SERPINI2: variants seen among roughly 807,000 people sequenced by gnomAD.
The protein encoded by SERPINI2 is serpin family I member 2.
Under a neutral mutation model 47.3 loss-of-function variants are expected in SERPINI2, and 48 were observed. The ratio of observed to expected loss-of-function variants is 1.02; its 90% CI spans 0.81 to 1.29. The LOEUF (loss-of-function observed/expected upper bound fraction) is 1.29, where lower values mean the gene tolerates loss of function less well. Ranked by LOEUF, SERPINI2 falls within the 50% of genes most tolerant of loss-of-function variation. SERPINI2 has a pLI of 0.00. For synonymous variants in SERPINI2, 135 were observed against 149.3 expected (o/e 0.90, Z 0.70); for missense variants, 448 against 456.9 (o/e 0.98, Z 0.18).
chr3:167,458,413 G>A (rs1430107508), intron 5 of SERPINI2, among the ~76,000 whole-genome samples: 11 of 145,356 alleles, frequency 7.6e-5, no homozygotes, highest in Non-Finnish European at 1.2e-4. Context: ...ACCACGCCTG[G>A]CTAATTGTTT....
intron 8 of SERPINI2, among the ~76,000 whole-genome samples, chr3:167,445,567 A>G (rs544206307): frequency 1.3e-5 from 2 of 152,310 alleles, no homozygotes; most frequent in East Asian, 3.9e-4. Context: ...CCCTCTGTCT[A>G]TAGGGAAACT....
chr3:167,460,898 GA>G (rs1749963248), intron 5 of SERPINI2, among the ~76,000 whole-genome samples: 1 of 152,054 alleles, frequency 6.6e-6, no homozygotes. Flanking sequence ...AGCATGCTAG[GA>G]ACAACAGAAA....
At chr3:167,472,942 T>C (rs946818579) in intron 1 of SERPINI2, among the ~76,000 whole-genome samples, 2 of 151,726 alleles carry the variant, frequency 1.3e-5, no homozygotes, top group Admixed American at 1.3e-4. Context: ...AAGTAACCCT[T>C]AATTAGGGGT....
chr3:167,452,289 C>T (rs549861941), intron 6 of SERPINI2, among the ~76,000 whole-genome samples: 2 of 152,136 alleles, frequency 1.3e-5, no homozygotes, highest in African/African-American at 2.4e-5. Flanking sequence ...ATTTTTTTAG[C>T]GAGTTATTTT....
chr3:167,471,272 TACAC>T (rs921796643), intron 2 of SERPINI2, among the ~76,000 whole-genome samples: 1 of 151,704 alleles, frequency 6.6e-6, no homozygotes, highest in African/African-American at 2.4e-5. Flanking sequence ...AGTATGTACA[TACAC>T]ACACACACAT....
At chr3:167,474,638 G>A (rs1750438770), upstream of SERPINI2, among the ~76,000 whole-genome samples, 1 of 151,642 alleles carries the variant, frequency 6.6e-6, no homozygotes, top group Non-Finnish European at 1.5e-5. Context: ...TAATGGATTT[G>A]CCAAAATATA....
chr3:167,453,566 C>A (rs1749701154), intron 5 of SERPINI2, among the ~76,000 whole-genome samples: 2 of 151,304 alleles, frequency 1.3e-5, no homozygotes, highest in Admixed American at 1.3e-4. Flanking sequence ...TATGGACAGG[C>A]CTAATATCTT....
chr3:167,451,133 C>G (rs1420851428), intron 6 of SERPINI2, among the ~76,000 whole-genome samples: 2 of 152,038 alleles, frequency 1.3e-5, no homozygotes, highest in African/African-American at 4.8e-5. Context: ...AACTATGTGC[C>G]AAATGTTAAA....
intron 8 of SERPINI2, among the ~76,000 whole-genome samples, chr3:167,445,358 A>C (rs1161123158): frequency 6.6e-6 from 1 of 152,098 alleles, no homozygotes; most frequent in Non-Finnish European, 1.5e-5. Flanking sequence ...ATATTTATTA[A>C]TTTATTCATA....
At chr3:167,468,780 T>C (rs1207882701) in intron 2 of SERPINI2, among the ~76,000 whole-genome samples, 4 of 152,140 alleles carry the variant, frequency 2.6e-5, no homozygotes, top group Non-Finnish European at 1.5e-5. Context: ...AACAAATATC[T>C]CAATAGCTGG....
upstream of SERPINI2, among the ~76,000 whole-genome samples, chr3:167,474,961 T>A (rs1175032838): frequency 2.6e-5 from 4 of 151,756 alleles, no homozygotes; most frequent in African/African-American, 9.7e-5. Flanking sequence ...ATAAAGTGAA[T>A]ATAGATAGCT....
intron 2 of SERPINI2, among the ~76,000 whole-genome samples, chr3:167,467,964 C>A (rs78385576): frequency 6.6e-6 from 1 of 152,112 alleles, no homozygotes; most frequent in Admixed American, 6.6e-5. Context: ...GAATCACTTT[C>A]GGCCTATTAT....
At chr3:167,441,986 C>A (rs1749342130) in exon 9 of SERPINI2, 2 of 646,338 alleles carry the variant, frequency 3.1e-6, no homozygotes. Context: ...ATATCTATTA[C>A]TACAGGCACA....
At chr3:167,472,212 C>T (rs1383971338) in intron 1 of SERPINI2, among the ~76,000 whole-genome samples, 1 of 151,878 alleles carries the variant, frequency 6.6e-6, no homozygotes, top group Non-Finnish European at 1.5e-5. Flanking sequence ...ATCAGGTAAA[C>T]CTTCTGTGCT....
At chr3:167,471,450 A>T (rs982243401) in intron 2 of SERPINI2, 138 bp downstream of exon 2, 9 of 787,418 alleles carry the variant, frequency 1.1e-5, no homozygotes, top group African/African-American at 1.8e-5. Flanking sequence ...TACATTTACA[A>T]TTCTCCATTT....
chr3:167,471,891 CCA>C (rs1247099058), intron 1 of SERPINI2, 47 bp from the exon 2 acceptor site: 1 of 1,448,578 alleles, frequency 6.9e-7, no homozygotes, highest in Non-Finnish European at 9.5e-7. Flanking sequence ...ATAGAGTTTT[CCA>C]CAGAGAGCTC....
In SERPINI2 at chr3:167,448,712, C is replaced by T. The variant is rs886453332; in HGVS notation, c.1051+604G>A. 7.2e-5 allele frequency among the ~76,000 whole-genome samples: 11 copies of T among 152,148 alleles called. No homozygotes were observed. The East Asian group carries it at 1.4e-3, about 19-fold the overall frequency. ...TAATTTTTTGTATTTTTAGTAGAGA[C>T]GGGGTTTCACCGTGTTATCCAGGAT... On this transcript the variant is annotated intron_variant, in intron 7 of 8. Coordinates refer to ENST00000264677, the Ensembl canonical transcript of SERPINI2.
At chr3:167,447,725 C>G (rs1749520379) in intron 7 of SERPINI2, among the ~76,000 whole-genome samples, 1 of 152,212 alleles carries the variant, frequency 6.6e-6, no homozygotes, top group East Asian at 1.9e-4. Flanking sequence ...TAAGGACTCT[C>G]TCAGTACTGT....
exon 9 of SERPINI2, chr3:167,442,151 A>C: frequency 6.2e-7 from 1 of 1,602,082 alleles, no homozygotes; most frequent in Non-Finnish European, 8.5e-7. Flanking sequence ...CCTGGGTGTC[A>C]GGATTTGTCA....
Sources: allele counts gnomAD v4.1 joint callset (sites outside exome capture counted in the v4.1 genomes callset), GRCh38; gene constraint gnomAD v4.1.1; transcripts MANE v1.5; gene names NCBI Gene and HGNC (gene_info 2026-07-23, HGNC 2026-07-21).